PAQR4: variants seen among roughly 807,000 people sequenced by gnomAD.
PAQR4 encodes progestin and adipoQ receptor family member IV.
In PAQR4, 26 loss-of-function variants were observed where a neutral mutation model predicts 20.9. The observed-to-expected ratio is 1.24, with a 90% CI of 0.91 to 1.73. The LOEUF (loss-of-function observed/expected upper bound fraction) is 1.73. Ranked by LOEUF, PAQR4 falls within the 40% of genes most tolerant of loss-of-function variation. PAQR4 has a pLI of 0.00. For missense variants in PAQR4, 400 were observed against 380.1 expected (o/e 1.05, Z -0.44); for synonymous variants, 193 against 171.6 (o/e 1.12, Z -0.97).
intron 1 of PAQR4, 77 bp from the exon 2 acceptor site, chr16:2,971,080 C>T: frequency 7.0e-7 from 1 of 1,422,534 alleles, no homozygotes; most frequent in Non-Finnish European, 9.8e-7. Flanking sequence ...CTTGCCCTGT[C>T]CTGTGTTGTG....
Position 2,972,118 on chromosome 16 carries a change from C to T in PAQR4, c.*170C>T. 1.5e-6 allele frequency: 1 copy of T among 649,622 alleles called. No individual in the cohort carries two copies. The highest frequency in any genetic ancestry group is 2.5e-6 in the Non-Finnish European group (1 of 395,804). The allele number at this position is 649,622 out of a possible 1,614,324, so 40.2% of individuals were successfully genotyped here. Reference sequence around the variant, plus strand: ...TGTGGACTGACCTCTTCCACCCACGCCGTGGCGCTCCAACTTCCTTCCCTG... The same window carrying T: ...TGTGGACTGACCTCTTCCACCCACGTCGTGGCGCTCCAACTTCCTTCCCTG... On this transcript the variant is annotated 3_prime_UTR_variant, in exon 3 of 3. Coordinates refer to ENST00000318782, the MANE Select transcript of PAQR4 (RefSeq NM_152341.5).
Position 2,971,989 on chromosome 16 carries a change from G to C in PAQR4, c.*41G>C. On this transcript the variant is annotated 3_prime_UTR_variant, in exon 3 of 3. Transcript: ENST00000318782. ...TGCCCACAGCAGCCTCCTAGAGTTA[G>C]CAACACCAGGTGTTCCTCCCAACTC... 6.6e-7 allele frequency: 1 copy of C among 1,505,946 alleles called. No individual in the cohort carries two copies. The highest frequency in any genetic ancestry group is 1.3e-5 in the South Asian group (1 of 78,158). 93.3% of individuals were successfully genotyped at this position (1,505,946 alleles called of 1,614,324 possible). A position where few individuals can be genotyped will look rare whatever the true frequency, so the allele number is the denominator to read the frequency against.
At position 2,971,265 on chromosome 16, in the gene PAQR4, C is replaced by T. The variant is rs1426067076; in HGVS notation, c.275C>T (p.Pro92Leu). 3 of 1,613,108 alleles carry T rather than the reference C, an allele frequency of 1.9e-6. No homozygotes were observed. The highest frequency in any genetic ancestry group is 1.1e-5 in the South Asian group (1 of 91,088). Residue 92 changes from proline to leucine, a missense_variant, in exon 2 of 3, where the codon CCC (proline) becomes CTC (leucine). Pro to Leu is a moderately conservative substitution (Grantham distance 98, BLOSUM62 -3). Transcript: ENST00000318782. ...ACACATTGCGTGGCCTGCCTTGCAC[C>T]CCCTGCAGGCTCCGTGCTCTATCAC... The part of the protein sequence containing the change: ...GGTHCVACLA[P>L]PAGSVLYHLF...
In PAQR4 at chr16:2,969,561, G is replaced by A. The variant is rs752062711; in HGVS notation, c.-114G>A. On this transcript the variant is annotated 5_prime_UTR_variant, in exon 1 of 3. It removes an upstream start codon present in the reference 5' UTR. Coordinates refer to ENST00000318782, the MANE Select transcript of PAQR4 (RefSeq NM_152341.5). ...GTGCGCCGATCGAGCGCAGGGCGAT[G>A]GGTGGGCGCCGGGCGCCGGGCGCCA... The A allele has an allele frequency of 2.4e-5, 29 of 1,229,200 alleles. No homozygotes were observed. The highest frequency in any genetic ancestry group is 4.2e-5 in the Admixed American group (1 of 23,746). 76.1% of individuals were successfully genotyped at this position (1,229,200 alleles called of 1,614,324 possible). A position where few individuals can be genotyped will look rare whatever the true frequency, so the allele number is the denominator to read the frequency against.
intron 1 of PAQR4, chr16:2,970,286 T>G: frequency 1.8e-5 from 3 of 165,216 alleles, no homozygotes; most frequent in Non-Finnish European, 4.0e-5. Context: ...CGGCTCCTTC[T>G]TCCCCCAACA....
Position 2,971,222 on chromosome 16 carries a change from G to A in PAQR4, c.232G>A (p.Asp78Asn). 3 of 1,613,378 alleles carry A rather than the reference G, an allele frequency of 1.9e-6. No individual in the cohort carries two copies. The highest frequency in any genetic ancestry group is 2.5e-6 in the Non-Finnish European group (3 of 1,180,012). ...MTMPWGQLGK[D>N]GWLGGTHCVA... The stretch of plus-strand genomic sequence containing the variant: ...CATGCCCTGGGGTCAGCTGGGCAAG[G>A]ATGGCTGGCTGGGAGGCACACATTG... Residue 78 changes from aspartate to asparagine, a missense_variant, in exon 2 of 3, where the codon GAT becomes AAT. Transcript: ENST00000318782.
In PAQR4 at chr16:2,969,733, A is replaced by G. The variant is rs369719296; in HGVS notation, c.59A>G (p.Gln20Arg). The G allele has an allele frequency of 2.5e-6, 4 of 1,608,826 alleles. No individual in the cohort carries two copies. Among genetic ancestry groups the G allele is most frequent in the Middle Eastern group, 1.6e-4 (1 of 6,070 alleles). ...LDWASSPPHL[Q>R]FNKFVLTGYR... ...TGGGCCAGCTCGCCGCCGCACCTGC[A>G]GTTCAATAAGTTCGTGCTGACCGGG... The change falls in exon 1 of 3, where the codon CAG becomes CGG. Residue 20 changes from glutamine to arginine, a missense_variant. By Grantham distance (43) the Gln-to-Arg change is conservative. Transcript: ENST00000318782.
Position 2,971,256 on chromosome 16 carries a change from G to A in PAQR4, c.266G>A (p.Cys89Tyr), listed in dbSNP as rs776297847. ...GWLGGTHCVA[C>Y]LAPPAGSVLY... ...CTGGGAGGCACACATTGCGTGGCCT[G>A]CCTTGCACCCCCTGCAGGCTCCGTG... is the stretch of plus-strand genomic sequence containing the variant. Residue 89 changes from cysteine to tyrosine, a missense_variant, in exon 2 of 3, where the codon TGC becomes TAC. By Grantham distance (194) the Cys-to-Tyr change is radical. Transcript: ENST00000318782. 35 of 1,613,182 alleles carry A rather than the reference G, an allele frequency of 2.2e-5. No individual in the cohort carries two copies. Among genetic ancestry groups the A allele is most frequent in the Non-Finnish European group, 2.8e-5 (33 of 1,180,006 alleles).
Position 2,972,513 on chromosome 16 carries a change from G to C in PAQR4, c.*565G>C. 1 of 1,145,466 alleles carries C rather than the reference G, an allele frequency of 8.7e-7. No individual in the cohort carries two copies. The highest frequency in any genetic ancestry group is 1.2e-6 in the Non-Finnish European group (1 of 822,712). The allele number at this position is 1,145,466 out of a possible 1,614,324, so 71.0% of individuals were successfully genotyped here. ...GTACCAGCTGGCCACAGGCACAAGG[G>C]CTGCAGCTGCTTCTTCCAGGAAACT... On this transcript the variant is annotated 3_prime_UTR_variant, in exon 3 of 3. Coordinates refer to ENST00000318782, the MANE Select transcript of PAQR4 (RefSeq NM_152341.5).
intron 1 of PAQR4, chr16:2,970,956 T>C (rs1412874147): frequency 2.5e-5 from 15 of 611,936 alleles, no homozygotes; most frequent in African/African-American, 5.5e-5. Context: ...TGGTCTCTAC[T>C]TCCCAGACCA....
Position 2,971,821 on chromosome 16 carries a change from G to T in PAQR4, c.695G>T (p.Arg232Leu). 2 of 1,612,690 alleles carry T rather than the reference G, an allele frequency of 1.2e-6. No homozygotes were observed. The highest frequency in any genetic ancestry group is 8.5e-7 in the Non-Finnish European group (1 of 1,179,896). ...ARLPERWGPGRFDYWGNSHQI... is the reference protein window; with the variant it reads ...ARLPERWGPGLFDYWGNSHQI... ...CTGCCCGAGCGCTGGGGACCTGGCC[G>T]CTTTGACTACTGGGGCAACTCCCAC... is the stretch of plus-strand genomic sequence containing the variant. The change falls in exon 3 of 3, where the codon CGC (arginine) becomes CTC (leucine). Residue 232 changes from arginine (R) to leucine (L), a missense_variant. Transcript: ENST00000318782.
Position 2,971,379 on chromosome 16 carries a change from G to T in PAQR4, c.388+1G>T. The T allele has an allele frequency of 6.2e-7, 1 of 1,607,036 alleles. No individual in the cohort carries two copies. Among genetic ancestry groups the T allele is most frequent in the East Asian group, 2.2e-5 (1 of 44,890 alleles). The stretch of plus-strand genomic sequence containing the variant: ...GGGGTCTGCCTTGTCAACACCCTTG[G>T]TGAGTCAGGGCCCAAGGGATGGGAG... On this transcript the variant is annotated splice_donor_variant, in intron 2 of 2. Coordinates refer to ENST00000318782, the MANE Select transcript of PAQR4 (RefSeq NM_152341.5). LOFTEE classifies it high-confidence loss of function.
intron 1 of PAQR4, chr16:2,970,234 C>T (rs896711130): frequency 1.0e-4 from 21 of 205,894 alleles, no homozygotes; most frequent in Admixed American, 9.8e-4. Context: ...CGTCCTGACG[C>T]CCCCGCCCCA....
chr16:2,971,909 C>A lies in PAQR4; in HGVS notation c.783C>A (p.Asp261Glu). ...AGCTGCACGCCGGCGTCGTGCCCGA[C>A]CTGCTCTGGGCTGCCCACCACGCCT... ...ILQLHAGVVP[D>E]LLWAAHHACP... The change falls in exon 3 of 3, where the codon GAC (aspartate) becomes GAA (glutamate). Residue 261 changes from aspartate to glutamate, a missense_variant. Asp to Glu is a conservative substitution (Grantham distance 45, BLOSUM62 2). Coordinates refer to ENST00000318782, the MANE Select transcript of PAQR4 (RefSeq NM_152341.5). 1 of 1,604,438 alleles carries A rather than the reference C, an allele frequency of 6.2e-7. No homozygotes were observed. Among genetic ancestry groups the A allele is most frequent in the Non-Finnish European group, 8.5e-7 (1 of 1,179,122 alleles).
Position 2,972,978 on chromosome 16 carries a change from A to G in PAQR4, c.*1030A>G, listed in dbSNP as rs775617896. On this transcript the variant is annotated 3_prime_UTR_variant, in exon 3 of 3. Transcript: ENST00000318782. Reference sequence around the variant, plus strand: ...TCAGGTTGGGTCTAGGGTGTCCTCAAACAGGCTGAGGAGGTTCCGAGGCTC... The same window carrying G: ...TCAGGTTGGGTCTAGGGTGTCCTCAGACAGGCTGAGGAGGTTCCGAGGCTC... 3 of 1,609,718 alleles carry G rather than the reference A, an allele frequency of 1.9e-6. No homozygotes were observed. The highest frequency in any genetic ancestry group is 1.7e-5 in the Admixed American group (1 of 59,468).
Position 2,973,333 on chromosome 16 carries a change from G to C in PAQR4, c.*1385G>C. 6.5e-7 allele frequency: 1 copy of C among 1,542,666 alleles called. No homozygotes were observed. Among genetic ancestry groups the C allele is most frequent in the Non-Finnish European group, 8.7e-7 (1 of 1,144,850 alleles). On this transcript the variant is annotated 3_prime_UTR_variant, in exon 3 of 3. Coordinates refer to ENST00000318782, the MANE Select transcript of PAQR4 (RefSeq NM_152341.5). ...CCTGACAAACAGGCAGGGAGCCACA[G>C]TCAGGGACAATAAAAACTTGGTGCA... is the stretch of plus-strand genomic sequence containing the variant.
At position 2,972,071 on chromosome 16, in the gene PAQR4, G is replaced by T; in HGVS notation, c.*123G>T. 1 of 1,026,794 alleles carries T rather than the reference G, an allele frequency of 9.7e-7. No individual in the cohort carries two copies. Among genetic ancestry groups the T allele is most frequent in the South Asian group, 1.7e-5 (1 of 58,600 alleles). 63.6% of individuals were successfully genotyped at this position (1,026,794 alleles called of 1,614,324 possible). On this transcript the variant is annotated 3_prime_UTR_variant, in exon 3 of 3. Transcript: ENST00000318782. ...CAGCTCATGAGATGTCTCAGCAGGA[G>T]CCCTGTTCACCCGTTCTTCCCTGTG... is the stretch of plus-strand genomic sequence containing the variant.
Position 2,971,531 on chromosome 16 carries a change from C to T in PAQR4, c.405C>T (p.Ile135=), listed in dbSNP as rs1226537236. ...LVNTLGALPI[I]HCTLACRPWL... ...CTTGTGCAGGGGCCCTGCCCATCAT[C>T]CACTGCACCCTGGCCTGCAGGCCCT... Residue 135 remains isoleucine, a synonymous_variant, in exon 3 of 3, where the codon ATC becomes ATT. Coordinates refer to ENST00000318782, the MANE Select transcript of PAQR4 (RefSeq NM_152341.5). 1.3e-5 allele frequency: 20 copies of T among 1,589,144 alleles called. No homozygotes were observed. Among genetic ancestry groups the T allele is most frequent in the Non-Finnish European group, 1.7e-5 (20 of 1,172,856 alleles).
intron 1 of PAQR4, 79 bp from the exon 2 acceptor site, chr16:2,971,078 G>C: frequency 7.1e-7 from 1 of 1,410,286 alleles, no homozygotes. Context: ...GTCTTGCCCT[G>C]TCCTGTGTTG....
Sources: allele counts gnomAD v4.1 joint callset, GRCh38; gene constraint gnomAD v4.1.1; transcripts MANE v1.5; gene names NCBI Gene and HGNC (gene_info 2026-07-23, HGNC 2026-07-21).